The following CNTNAP5 variants were observed in gnomAD, a reference collection of about 807,000 sequenced individuals.
CNTNAP5 encodes the protein contactin-associated protein-like 5.
A neutral mutation model predicts 150.2 loss-of-function variants in CNTNAP5; 72 were observed. That is an observed-to-expected ratio of 0.48 (90% CI 0.40 to 0.58). CNTNAP5 has a LOEUF of 0.58. Among genes scored for constraint, CNTNAP5 ranks in the 20% least tolerant of loss-of-function variants. The probability of loss-of-function intolerance (pLI) is 0.00; values close to 1 mark genes in which losing one functional copy is unlikely to be tolerated. For missense variants in CNTNAP5, 1,636 were observed against 1,626.2 expected, an observed-to-expected ratio of 1.01 and a Z score of -0.10; for synonymous variants, 672 against 619.8, an observed-to-expected ratio of 1.08 and a Z score of -1.25.
intron 3 of CNTNAP5, among the ~76,000 whole-genome samples, chr2:124,299,775 T>G (rs937822285): frequency 2.0e-5 from 3 of 152,206 alleles, no homozygotes; most frequent in African/African-American, 7.2e-5. Flanking sequence ...AGCAATGTAT[T>G]TCTCACATTA....
At position 124,794,136 on chromosome 2, in the gene CNTNAP5, G is replaced by A. The variant is rs144735280; in HGVS notation, c.2993-3960G>A. 2.0e-3 allele frequency among the ~76,000 whole-genome samples: 302 copies of A among 152,230 alleles called. 1 individual carries two copies. Among genetic ancestry groups the A allele is most frequent in the Non-Finnish European group, 3.4e-3 (230 of 68,030 alleles). On this transcript the variant is annotated intron_variant, in intron 18 of 23. Transcript: ENST00000682447. ...GCATCCATCTTAATGATTGCAATAT[G>A]TTCCATCTGGTGCTACTACCTTCTC...
chr2:124,043,446 C>G (rs1326097568), intron 1 of CNTNAP5, among the ~76,000 whole-genome samples: 1 of 152,160 alleles, frequency 6.6e-6, no homozygotes, highest in Non-Finnish European at 1.5e-5. Flanking sequence ...TTGTCTTCAT[C>G]ATAATTATTC....
chr2:124,643,327 G>C (rs1419371249), intron 12 of CNTNAP5, among the ~76,000 whole-genome samples: 1 of 152,158 alleles, frequency 6.6e-6, no homozygotes, highest in Admixed American at 6.5e-5. Flanking sequence ...TAGAAGTAAT[G>C]AAAGAGAAAA....
intron 1 of CNTNAP5, among the ~76,000 whole-genome samples, chr2:124,033,043 A>G (rs1573704662): frequency 6.6e-6 from 1 of 152,208 alleles, no homozygotes; most frequent in East Asian, 1.9e-4. Flanking sequence ...CAGTGGAAAG[A>G]GAAACAAGGG....
At chr2:124,149,403 CAAAAAAAAAAAA>C (rs71394025) in intron 1 of CNTNAP5, among the ~76,000 whole-genome samples, 2 of 82,808 alleles carry the variant, frequency 2.4e-5, no homozygotes, top group Admixed American at 3.0e-4. Flanking sequence ...GCGTCAATTG[CAAAAAAAAAAAA>C]AAAAAAAAAA....
chr2:124,772,782 T>C lies in CNTNAP5; in HGVS notation c.2534-17T>C, dbSNP rs1681231889. On this transcript the variant is annotated splice_polypyrimidine_tract_variant and intron_variant, in intron 16 of 23. Transcript: ENST00000682447. ...AACAACTCCCTCTATCCTTCCTGTT[T>C]TCCTTTCCGGTTTCAGCTCCTTCAG... 5 of 1,608,882 alleles carry C rather than the reference T, an allele frequency of 3.1e-6. No homozygotes were observed. The highest frequency in any genetic ancestry group is 1.6e-4 in the Middle Eastern group (1 of 6,074).
At chr2:124,550,535 T>C (rs1238960003) in intron 10 of CNTNAP5, among the ~76,000 whole-genome samples, 2 of 152,064 alleles carry the variant, frequency 1.3e-5, no homozygotes, top group African/African-American at 4.8e-5. Context: ...TCCTGATAGC[T>C]CCAATATTCC....
intron 20 of CNTNAP5, among the ~76,000 whole-genome samples, chr2:124,868,151 T>C (rs563273887): frequency 4.6e-5 from 7 of 152,312 alleles, no homozygotes; most frequent in African/African-American, 1.7e-4. Context: ...TTAGGTTCCC[T>C]GGCTGTCTAT....
chr2:124,444,449 G>A (rs944670367), intron 5 of CNTNAP5, among the ~76,000 whole-genome samples: 6 of 151,966 alleles, frequency 3.9e-5, no homozygotes, highest in Admixed American at 3.9e-4. Context: ...TAAAAAATTA[G>A]CCTCATGTGG....
rs570858488 is a variant in CNTNAP5 at position 124,041,130 on chromosome 2, C to CA, written c.82+15404dup. ...TAAAAATTCATTAGTAAAGTTAATC[C>CA]AAAAAACATCTGAGCAACTGAAACA... is the stretch of plus-strand genomic sequence containing the variant. On this transcript the variant is annotated intron_variant, in intron 1 of 23. Transcript: ENST00000682447. 1.8e-4 allele frequency among the ~76,000 whole-genome samples: 27 copies of CA among 152,178 alleles called. 2 individuals carry two copies. In the South Asian group the frequency reaches 5.6e-3, roughly 32 times the overall value.
chr2:124,477,321 A>T (rs1449571584), intron 7 of CNTNAP5, among the ~76,000 whole-genome samples: 2 of 152,100 alleles, frequency 1.3e-5, no homozygotes, highest in Admixed American at 6.6e-5. Context: ...ATCTATAAGA[A>T]TTTTTTTGTG....
At chr2:124,725,457 C>A (rs573855013) in intron 13 of CNTNAP5, among the ~76,000 whole-genome samples, 73 of 145,894 alleles carry the variant, frequency 5.0e-4, no homozygotes, top group Non-Finnish European at 2.9e-4. Context: ...CCTTCCCCTT[C>A]CTCTTCCCCT....
chr2:124,494,338 G>T (rs947493556), intron 7 of CNTNAP5, among the ~76,000 whole-genome samples: 1 of 152,030 alleles, frequency 6.6e-6, no homozygotes, highest in Non-Finnish European at 1.5e-5. Flanking sequence ...AGGCTGAGGC[G>T]CCTGGAGTTG....
intron 3 of CNTNAP5, among the ~76,000 whole-genome samples, chr2:124,390,475 ATAT>A (rs1375399502): frequency 1.3e-5 from 2 of 152,218 alleles, no homozygotes; most frequent in South Asian, 2.1e-4. Context: ...AATCTGATAA[ATAT>A]TATTATGAGA....
chr2:124,775,600 C>T (rs1681305345), intron 17 of CNTNAP5, among the ~76,000 whole-genome samples: 2 of 152,154 alleles, frequency 1.3e-5, no homozygotes, highest in Admixed American at 6.6e-5. Flanking sequence ...TTCCTCTCAG[C>T]ACTGCCCCTG....
chr2:124,875,997 G>T (rs188527800), intron 21 of CNTNAP5, among the ~76,000 whole-genome samples: 1 of 152,138 alleles, frequency 6.6e-6, no homozygotes, highest in African/African-American at 2.4e-5. Context: ...ATTATGATTC[G>T]GGTTTTTCCA....
intron 22 of CNTNAP5, 149 bp downstream of exon 22, chr2:124,903,249 A>T: frequency 1.9e-6 from 1 of 538,222 alleles, no homozygotes. Flanking sequence ...CTGATATTTC[A>T]TGGGTGATTT....
intron 1 of CNTNAP5, among the ~76,000 whole-genome samples, chr2:124,157,605 AAAAG>A (rs1268224560): frequency 6.6e-6 from 1 of 152,196 alleles, no homozygotes; most frequent in African/African-American, 2.4e-5. Context: ...GGTCCATACA[AAAAG>A]AAAGAAAGGA....
chr2:124,090,058 A>G (rs1682779788), intron 1 of CNTNAP5, among the ~76,000 whole-genome samples: 1 of 152,106 alleles, frequency 6.6e-6, no homozygotes, highest in Non-Finnish European at 1.5e-5. Context: ...CCATTATATC[A>G]TAGGACCTCA....
Sources: gnomAD v4.1 joint callset for allele counts (sites outside exome capture counted in the v4.1 genomes callset) on GRCh38, gnomAD v4.1.1 for gene constraint, MANE v1.5 for transcripts, NCBI Gene and HGNC (gene_info 2026-07-23, HGNC 2026-07-21) for gene names.